The following OR1J2 variants were observed in gnomAD, a reference collection of about 807,000 sequenced individuals.
OR1J2 encodes olfactory receptor 1J2.
For synonymous variants in OR1J2, 142 were observed against 99.7 expected, an observed-to-expected ratio of 1.42 and a Z score of -2.52; for missense variants, 304 against 246.1, an observed-to-expected ratio of 1.24 and a Z score of -1.57.
chr9:122,536,878 G>T, the OR1J2 span, among the ~76,000 whole-genome samples: 1 of 152,134 alleles, frequency 6.6e-6, no homozygotes, highest in African/African-American at 2.4e-5. Flanking sequence ...TAAGTATGTG[G>T]CTTTATTTCC....
chr9:122,511,068 C>T lies in OR1J2; in HGVS notation c.267C>T (p.Tyr89=). Residue 89 remains tyrosine, a synonymous_variant, in exon 1 of 1, where the codon TAC becomes TAT. Transcript: ENST00000335302. The part of the protein sequence containing the change: ...PKMLMDMRTK[Y]KSILYEECIS... ...TGCTGATGGACATGCGGACTAAGTA[C>T]AAATCGATCCTCTATGAGGAATGCA... The T allele has an allele frequency of 1.5e-6, 2 of 1,315,834 alleles. No homozygotes were observed. Among genetic ancestry groups the T allele is most frequent in the Non-Finnish European group, 2.2e-6 (2 of 920,334 alleles). The allele number at this position is 1,315,834 out of a possible 1,614,324, so 81.5% of individuals were successfully genotyped here.
chr9:122,451,254 C>G, the OR1J2 span, among the ~76,000 whole-genome samples: 1 of 151,332 alleles, frequency 6.6e-6, no homozygotes, highest in Non-Finnish European at 1.5e-5. Flanking sequence ...GGCGCGATCT[C>G]AGCTCACTGC....
At chr9:122,462,824 T>C in the OR1J2 span, among the ~76,000 whole-genome samples, 4 of 152,210 alleles carry the variant, frequency 2.6e-5, no homozygotes, top group African/African-American at 9.6e-5. Flanking sequence ...CTTTATAGAT[T>C]ACATGATGCT....
chr9:122,481,473 C>G, the OR1J2 span, among the ~76,000 whole-genome samples: 1 of 151,590 alleles, frequency 6.6e-6, no homozygotes, highest in African/African-American at 2.4e-5. Context: ...ATAGAGAACT[C>G]CTATAAATCA....
At chr9:122,519,265 ACCTGCTCATCAT>A in the OR1J2 span, 21 of 1,613,748 alleles carry the variant, frequency 1.3e-5, no homozygotes, top group Non-Finnish European at 1.8e-5. Flanking sequence ...GTGCTGGGGA[ACCTGCTCATCAT>A]CCTGCTCATC....
the OR1J2 span, among the ~76,000 whole-genome samples, chr9:122,545,255 T>G: frequency 3.9e-5 from 6 of 152,184 alleles, no homozygotes; most frequent in Non-Finnish European, 5.9e-5. Context: ...ATGGTTTATG[T>G]TGGTGAGTTG....
At chr9:122,553,762 C>G in the OR1J2 span, 1 of 1,614,038 alleles carries the variant, frequency 6.2e-7, no homozygotes, top group Non-Finnish European at 8.5e-7. Context: ...TATTGTGATC[C>G]TAGTGCTCTC....
At chr9:122,543,004 T>A in the OR1J2 span, among the ~76,000 whole-genome samples, 1 of 152,232 alleles carries the variant, frequency 6.6e-6, no homozygotes, top group Non-Finnish European at 1.5e-5. Flanking sequence ...TTTATGCCTT[T>A]TATAGCTGAT....
the OR1J2 span, chr9:122,554,225 T>C: frequency 4.8e-6 from 6 of 1,248,610 alleles, no homozygotes; most frequent in Non-Finnish European, 5.7e-6. Context: ...ATCACTTCAG[T>C]AATTCTACTA....
the OR1J2 span, chr9:122,568,675 G>T: frequency 2.0e-6 from 1 of 505,990 alleles, no homozygotes; most frequent in Non-Finnish European, 3.5e-6. Context: ...CTCCATAAGG[G>T]CATTATATTG....
At chr9:122,530,719 G>C in the OR1J2 span, among the ~76,000 whole-genome samples, 1 of 152,178 alleles carries the variant, frequency 6.6e-6, no homozygotes, top group African/African-American at 2.4e-5. Context: ...AGCGAAGGGA[G>C]ATAGGAGTGG....
At chr9:122,503,009 A>G in the OR1J2 span, among the ~76,000 whole-genome samples, 1 of 152,212 alleles carries the variant, frequency 6.6e-6, no homozygotes, top group African/African-American at 2.4e-5. Context: ...CCTCCAGGAG[A>G]TCATCTACAG....
chr9:122,553,127 A>T, the OR1J2 span: 1 of 1,421,224 alleles, frequency 7.0e-7, no homozygotes, highest in African/African-American at 1.4e-5. Context: ...CTGGCCACAC[A>T]GATGCATATC....
the OR1J2 span, among the ~76,000 whole-genome samples, chr9:122,552,004 G>C: frequency 0.2 from 28,350 of 143,814 alleles, 3,132 homozygotes; most frequent in Middle Eastern, 0.24. Context: ...TCCATAATCT[G>C]ACAGGTGAGG....
At chr9:122,560,846 T>C in the OR1J2 span, among the ~76,000 whole-genome samples, 4 of 152,190 alleles carry the variant, frequency 2.6e-5, no homozygotes, top group Admixed American at 2.0e-4. Context: ...TGGAGTTCTC[T>C]GTATTTCCTG....
the OR1J2 span, among the ~76,000 whole-genome samples, chr9:122,528,592 C>G: frequency 1.3e-5 from 2 of 152,034 alleles, no homozygotes; most frequent in Non-Finnish European, 2.9e-5. Context: ...AGCAAGACTC[C>G]GTCTAAAATA....
At chr9:122,478,280 T>A in the OR1J2 span, among the ~76,000 whole-genome samples, 5 of 152,206 alleles carry the variant, frequency 3.3e-5, no homozygotes, top group Non-Finnish European at 5.9e-5. Flanking sequence ...ACTCTTTAGA[T>A]GTGAAAGCTA....
the OR1J2 span, among the ~76,000 whole-genome samples, chr9:122,518,367 G>A: frequency 6.6e-6 from 1 of 152,220 alleles, no homozygotes; most frequent in African/African-American, 2.4e-5. Flanking sequence ...CAGTTCTGGA[G>A]CCTGGGAAGC....
downstream of OR1J2, among the ~76,000 whole-genome samples, chr9:122,514,293 G>T (rs1308498935): frequency 6.6e-6 from 1 of 152,130 alleles, no homozygotes; most frequent in East Asian, 1.9e-4. Context: ...CCTTTCTCTA[G>T]TAGTCTTCAG....
Sources: gnomAD v4.1 joint callset for allele counts (sites outside exome capture counted in the v4.1 genomes callset) on GRCh38, gnomAD v4.1.1 for gene constraint, MANE v1.5 for transcripts, NCBI Gene and HGNC (gene_info 2026-07-23, HGNC 2026-07-21) for gene names.